The following TDRP variants were observed in gnomAD, a reference collection of about 807,000 sequenced individuals.
TDRP encodes the protein testis development-related protein.
In TDRP, 12 loss-of-function variants were observed where a neutral mutation model predicts 10.5. The ratio of observed to expected loss-of-function variants is 1.15; its 90% CI spans 0.73 to 1.86. The LOEUF is 1.86. TDRP is among the 40% of genes most tolerant of loss of function. The pLI is 0.00. For synonymous variants in TDRP, 139 were observed against 95.4 expected (o/e 1.46, Z -2.67); for missense variants, 353 against 229.2 (o/e 1.54, Z -3.49).
At chr8:524,798 T>A (rs1377514941) in intron 1 of TDRP, among the ~76,000 whole-genome samples, 1 of 152,102 alleles carries the variant, frequency 6.6e-6, no homozygotes, top group Non-Finnish European at 1.5e-5. Flanking sequence ...ACAATGAGGC[T>A]TGCTTACAGG....
At chr8:545,578 G>C (rs1802632126), upstream of TDRP, 1 of 152,382 alleles carries the variant, frequency 6.6e-6, no homozygotes, top group African/African-American at 2.4e-5. Flanking sequence ...TGAGGGGAAG[G>C]TGGAGGGGGC....
At chr8:496,723 C>G (rs1385452828) in intron 1 of TDRP, among the ~76,000 whole-genome samples, 1 of 152,214 alleles carries the variant, frequency 6.6e-6, no homozygotes, top group East Asian at 1.9e-4. Flanking sequence ...CGGTGTGGCT[C>G]TGTGTCCCCA....
chr8:535,336 C>G (rs1270527286), intron 1 of TDRP, among the ~76,000 whole-genome samples: 1 of 152,076 alleles, frequency 6.6e-6, no homozygotes, highest in Non-Finnish European at 1.5e-5. Context: ...TCCCTCACAG[C>G]AACCCCCACA....
chr8:523,066 GTTCT>G (rs887200159), intron 1 of TDRP, among the ~76,000 whole-genome samples: 6 of 152,066 alleles, frequency 3.9e-5, no homozygotes, highest in African/African-American at 1.2e-4. Context: ...TGTTAATTAT[GTTCT>G]TTAAGTCTTG....
chr8:504,102 G>C (rs573471044), intron 1 of TDRP, among the ~76,000 whole-genome samples: 1 of 152,128 alleles, frequency 6.6e-6, no homozygotes, highest in Non-Finnish European at 1.5e-5. Context: ...AGAGCCACGT[G>C]TCGGAACCCA....
At chr8:517,387 A>G (rs1801785476) in intron 1 of TDRP, among the ~76,000 whole-genome samples, 1 of 152,178 alleles carries the variant, frequency 6.6e-6, no homozygotes, top group African/African-American at 2.4e-5. Flanking sequence ...AGATTAAACG[A>G]AGCATCTGAC....
chr8:514,165 G>T (rs573417488), intron 1 of TDRP, among the ~76,000 whole-genome samples: 2 of 152,260 alleles, frequency 1.3e-5, no homozygotes, highest in South Asian at 4.1e-4. Context: ...CAAAGTAAGA[G>T]AACTCACACT....
At position 543,924 on chromosome 8, in the gene TDRP, GGGA is replaced by G. The variant is rs1380728629; in HGVS notation, c.108+723_108+725del. 3.5e-4 allele frequency among the ~76,000 whole-genome samples: 49 copies of G among 141,984 alleles called. 1 individual carries two copies. Among genetic ancestry groups the G allele is most frequent in the African/African-American group, 1.2e-3 (46 of 39,156 alleles). The allele number at this position is 141,984 out of a possible 152,430, so 93.1% of individuals were successfully genotyped here. ...GAAAAAGAGCACTGCAATGGAAAAAGGGAGGGGGGGGGAGGGGGTGGGGGAGGG... is the reference window on the plus strand; with the variant it reads ...GAAAAAGAGCACTGCAATGGAAAAAGGGGGGGGGGAGGGGGTGGGGGAGGG... On this transcript the variant is annotated intron_variant, in intron 1 of 2. Coordinates refer to ENST00000324079, the MANE Select transcript of TDRP (RefSeq NM_001384899.1).
At chr8:526,997 G>A (rs566136216) in intron 1 of TDRP, among the ~76,000 whole-genome samples, 3 of 152,280 alleles carry the variant, frequency 2.0e-5, no homozygotes, top group Admixed American at 2.0e-4. Flanking sequence ...ACTCATGTCT[G>A]TAATCCCAGC....
At chr8:508,546 G>A (rs1484197004) in intron 1 of TDRP, among the ~76,000 whole-genome samples, 1 of 152,136 alleles carries the variant, frequency 6.6e-6, no homozygotes, top group Non-Finnish European at 1.5e-5. Context: ...GATCTCATGA[G>A]AACTCACTCA....
chr8:514,476 T>G (rs550293207), intron 1 of TDRP, among the ~76,000 whole-genome samples: 230 of 152,182 alleles, frequency 1.5e-3, no homozygotes, highest in Non-Finnish European at 2.8e-3. Flanking sequence ...ACCACAAAAC[T>G]GGGGACAGGA....
intron 1 of TDRP, among the ~76,000 whole-genome samples, chr8:542,166 G>C (rs1354293839): frequency 6.6e-6 from 1 of 152,154 alleles, no homozygotes; most frequent in Non-Finnish European, 1.5e-5. Flanking sequence ...ACCTGAAAAA[G>C]CTACACACTG....
In TDRP at chr8:492,409, T is replaced by C. The variant is rs757523693; in HGVS notation, c.548A>G (p.Glu183Gly). The C allele has an allele frequency of 2.6e-6, 4 of 1,535,480 alleles. No individual in the cohort carries two copies. In the South Asian group the frequency reaches 3.9e-5, roughly 15 times the overall value. Residue 183 changes from glutamate to glycine, a missense_variant, in exon 3 of 3, where the codon GAG becomes GGG. Coordinates refer to ENST00000324079, the MANE Select transcript of TDRP (RefSeq NM_001384899.1). ...SKGHLTDSPE[E>G]AE is the part of the protein sequence containing the mutation. ...GCCACGCAGCCCCCCTCACTCCGCC[T>C]CCTCCGGGCTATCTGTCAGGTGGCC... is the stretch of plus-strand genomic sequence containing the variant.
chr8:544,910 G>T, upstream of TDRP: 1 of 425,242 alleles, frequency 2.4e-6, no homozygotes, highest in Non-Finnish European at 3.8e-6. Context: ...CCAGAACTAG[G>T]CCCGCCCCCT....
intron 1 of TDRP, among the ~76,000 whole-genome samples, chr8:502,224 G>C (rs1264872238): frequency 6.6e-6 from 1 of 152,228 alleles, no homozygotes; most frequent in Non-Finnish European, 1.5e-5. Context: ...GGAACTCACA[G>C]TGAACTTATC....
chr8:498,640 T>C (rs1287519785), intron 1 of TDRP, among the ~76,000 whole-genome samples: 1 of 152,156 alleles, frequency 6.6e-6, no homozygotes, highest in Non-Finnish European at 1.5e-5. Context: ...GGGGGATTGT[T>C]GGGAAGGCAT....
intron 2 of TDRP, among the ~76,000 whole-genome samples, chr8:494,003 T>G (rs1412832908): frequency 1.3e-5 from 2 of 149,064 alleles, no homozygotes; most frequent in African/African-American, 4.9e-5. Flanking sequence ...GTTTTTTTTT[T>G]TTTTTTTTTT....
chr8:538,855 G>A (rs1337507868), intron 1 of TDRP, among the ~76,000 whole-genome samples: 4 of 152,148 alleles, frequency 2.6e-5, no homozygotes, highest in African/African-American at 4.8e-5. Flanking sequence ...GAAGACATGC[G>A]CATCTCACCA....
rs1039060421 is a variant in TDRP at position 510,357 on chromosome 8, G to A, written c.109-15760C>T. Among the ~76,000 whole-genome samples the A allele has an allele frequency of 3.3e-5, 5 of 152,180 alleles. No homozygotes were observed. In the East Asian group the frequency reaches 9.7e-4, roughly 29 times the overall value. ...TCAAGTCACTTCATTAGCATAAGAG[G>A]ACACTCTTCTCACTCAGGAAATCCC... On this transcript the variant is annotated intron_variant, in intron 1 of 2. Coordinates refer to ENST00000324079, the MANE Select transcript of TDRP (RefSeq NM_001384899.1).
Sources: allele counts gnomAD v4.1 joint callset (sites outside exome capture counted in the v4.1 genomes callset), GRCh38; gene constraint gnomAD v4.1.1; transcripts MANE v1.5; gene names NCBI Gene and HGNC (gene_info 2026-07-23, HGNC 2026-07-21).